The following C1orf162 variants were observed in gnomAD, a reference collection of about 807,000 sequenced individuals.
The protein encoded by C1orf162 is chromosome 1 open reading frame 162.
A neutral mutation model predicts 11.4 loss-of-function variants in C1orf162; 10 were observed. That is an observed-to-expected ratio of 0.88 (90% CI 0.54 to 1.48). C1orf162 has a LOEUF of 1.48. Ranked by LOEUF, C1orf162 falls within the 40% of genes most tolerant of loss-of-function variation. The probability of loss-of-function intolerance (pLI) is 0.00; values close to 1 mark genes in which losing one functional copy is unlikely to be tolerated. For missense variants in C1orf162, 140 were observed against 149.5 expected, an observed-to-expected ratio of 0.94 and a Z score of 0.33; for synonymous variants, 53 against 55.0, an observed-to-expected ratio of 0.96 and a Z score of 0.16.
At chr1:111,477,456 C>T in intron 4 of C1orf162, 28 bp downstream of exon 4, 1 of 1,576,284 alleles carries the variant, frequency 6.3e-7, no homozygotes, top group Non-Finnish European at 8.7e-7. Flanking sequence ...GATAGGACAG[C>T]CCTTCTCTCT....
intron 3 of C1orf162, 84 bp downstream of exon 3, chr1:111,476,951 G>A: frequency 7.0e-7 from 1 of 1,431,644 alleles, no homozygotes; most frequent in Non-Finnish European, 9.9e-7. Flanking sequence ...GGGGATTTGG[G>A]CAGGGAGACT....
chr1:111,477,593 C>T, intron 4 of C1orf162, 133 bp from the exon 5 acceptor site: 2 of 1,435,876 alleles, frequency 1.4e-6, no homozygotes, highest in Non-Finnish European at 1.9e-6. Flanking sequence ...CATTTTTCTT[C>T]CGCCCTGCCC....
At chr1:111,477,180 T>C (rs1359121172) in intron 3 of C1orf162, 154 bp from the exon 4 acceptor site, 3 of 726,696 alleles carry the variant, frequency 4.1e-6, no homozygotes, top group Non-Finnish European at 6.9e-6. Flanking sequence ...GATGTGAAAC[T>C]CAAAAGCAAA....
At chr1:111,474,452 A>T (rs1653928497) in intron 1 of C1orf162, 1 of 152,190 alleles carries the variant, frequency 6.6e-6, no homozygotes, top group South Asian at 2.1e-4. Flanking sequence ...GCTACTGTGA[A>T]TTTCAGGATT....
intron 1 of C1orf162, among the ~76,000 whole-genome samples, chr1:111,474,334 T>C (rs113800989): frequency 2.1e-3 from 324 of 152,358 alleles, no homozygotes; most frequent in Non-Finnish European, 3.1e-3. Context: ...TGAGTAGCTA[T>C]TTCCCTGTGG....
At chr1:111,477,565 T>C (rs1225960309) in intron 4 of C1orf162, 137 bp downstream of exon 4, 3 of 1,507,240 alleles carry the variant, frequency 2.0e-6, no homozygotes, top group Non-Finnish European at 2.8e-6. Context: ...GTCTGCAGAC[T>C]GAAGATTCAA....
chr1:111,476,257 C>T lies in C1orf162; in HGVS notation c.37+192C>T, dbSNP rs1653986635. Among the ~76,000 whole-genome samples, 4 of 152,102 alleles carry T rather than the reference C, an allele frequency of 2.6e-5. No individual in the cohort carries two copies. The South Asian group carries it at 8.3e-4, about 32-fold the overall frequency. ...AACCACAGAGACCTGCCTGGCCCTCCAAATCTGAGTAAAGGGTGTCTCTGC... is the reference window on the plus strand; with the variant it reads ...AACCACAGAGACCTGCCTGGCCCTCTAAATCTGAGTAAAGGGTGTCTCTGC... On this transcript the variant is annotated intron_variant, in intron 2 of 5. Transcript: ENST00000369718.
chr1:111,475,307 G>T (rs1037502036), intron 1 of C1orf162: 2 of 152,200 alleles, frequency 1.3e-5, no homozygotes, highest in Non-Finnish European at 2.9e-5. Context: ...ATGGAAGTCT[G>T]ACTAAAAGGA....
intron 4 of C1orf162, 23 bp downstream of exon 4, chr1:111,477,451 G>T (rs755252847): frequency 8.2e-6 from 13 of 1,576,386 alleles, no homozygotes; most frequent in Non-Finnish European, 1.1e-5. Flanking sequence ...CAAGGGATAG[G>T]ACAGCCCTTC....
intron 2 of C1orf162, 84 bp from the exon 3 acceptor site, chr1:111,476,714 G>A (rs945896284): frequency 7.2e-7 from 1 of 1,386,492 alleles, no homozygotes; most frequent in Non-Finnish European, 1.0e-6. Flanking sequence ...TGCTTGGGTA[G>A]AATGGGGCAC....
intron 3 of C1orf162, 30 bp downstream of exon 3, chr1:111,476,897 C>T (rs753788162): frequency 6.2e-7 from 1 of 1,604,924 alleles, no homozygotes; most frequent in Admixed American, 1.7e-5. Context: ...TCTGTTTCAT[C>T]TTGTACCACG....
In C1orf162 at chr1:111,475,046, G is replaced by A. The variant is rs116356275; in HGVS notation, c.-11-972G>A. ...AAAAAAAATCAGGGATGCATACAAT[G>A]TTTTATGCACAAAAATATCTCTTTC... On this transcript the variant is annotated intron_variant, in intron 1 of 5. Coordinates refer to ENST00000369718, the MANE Select transcript of C1orf162 (RefSeq NM_001300834.2). 1,401 of 152,044 alleles carry A rather than the reference G, an allele frequency of 9.2e-3. 19 individuals carry two copies. Among genetic ancestry groups the A allele is most frequent in the African/African-American group, 0.032 (1,344 of 41,462 alleles). 9.4% of individuals were successfully genotyped at this position (152,044 alleles called of 1,614,324 possible).
At position 111,478,043 on chromosome 1, in the gene C1orf162, G is replaced by A. The variant is rs200386345; in HGVS notation, c.313G>A (p.Glu105Lys). ...CAGCACAACTTTCAAACTCTCAGAA[G>A]AAAAGAGCAATCACTTGGCTGAGAA... The part of the protein sequence containing the change: ...YASTTFKLSE[E>K]KSNHLAENHS... Residue 105 changes from glutamate (E) to lysine (K), a missense_variant, in exon 6 of 6, where the codon GAA becomes AAA. Physicochemically the swap from Glu to Lys is moderately conservative, Grantham distance 56. Coordinates refer to ENST00000369718, the MANE Select transcript of C1orf162 (RefSeq NM_001300834.2). 25 of 1,613,940 alleles carry A rather than the reference G, an allele frequency of 1.5e-5. No individual in the cohort carries two copies. The highest frequency in any genetic ancestry group is 1.2e-4 in the Admixed American group (7 of 60,004).
In C1orf162 at chr1:111,476,070, G is replaced by A. The variant is rs1456689185; in HGVS notation, c.37+5G>A. 1 of 1,611,952 alleles carries A rather than the reference G, an allele frequency of 6.2e-7. No homozygotes were observed. On this transcript the variant is annotated splice_donor_5th_base_variant and intron_variant, in intron 2 of 5. Coordinates refer to ENST00000369718, the MANE Select transcript of C1orf162 (RefSeq NM_001300834.2). ...CCACATGTAAACCCGACACTGGTGA[G>A]TTTACGACAGGAATAATTACCTGCC...
In C1orf162 at chr1:111,477,774, AG is replaced by A. The variant is rs866303547; in HGVS notation, c.252+1del. On this transcript the variant is annotated frameshift_variant and splice_region_variant, in exon 5 of 6. Transcript: ENST00000369718. LOFTEE classifies it low-confidence loss of function (END_TRUNC). ...GATCCTCACTCAGATCCTCCAGCCAAGGTAAGATGACCACACTGTTTTGGGG... is the reference window on the plus strand; with the variant it reads ...GATCCTCACTCAGATCCTCCAGCCAAGTAAGATGACCACACTGTTTTGGGG... ...APDPHSDPPA[K>X]LSSIPGESLT... 6.2e-6 allele frequency: 10 copies of A among 1,614,006 alleles called. No homozygotes were observed. Among genetic ancestry groups the A allele is most frequent in the Non-Finnish European group, 8.5e-6 (10 of 1,180,008 alleles).
intron 1 of C1orf162, chr1:111,475,791 G>T (rs1019931964): frequency 2.7e-5 from 13 of 486,356 alleles, no homozygotes; most frequent in South Asian, 1.1e-4. Flanking sequence ...GCCCTGATAA[G>T]ATCAAATTTC....
At position 111,476,837 on chromosome 1, in the gene C1orf162, G is replaced by C; in HGVS notation, c.77G>C (p.Ser26Thr). ...GTLSTAAPTT[S>T]PAPCLSNHHN... ...CTCTCCACAGCAGCCCCAACAACTAGCCCTGCACCCTGTCTCTCTAACCAC... is the reference window on the plus strand; with the variant it reads ...CTCTCCACAGCAGCCCCAACAACTACCCCTGCACCCTGTCTCTCTAACCAC... The change falls in exon 3 of 6, where the codon AGC becomes ACC. Residue 26 changes from serine (S) to threonine (T), a missense_variant. Physicochemically the swap from Ser to Thr is moderately conservative, Grantham distance 58 (BLOSUM62 1). Coordinates refer to ENST00000369718, the MANE Select transcript of C1orf162 (RefSeq NM_001300834.2). 1 of 1,614,054 alleles carries C rather than the reference G, an allele frequency of 6.2e-7. No homozygotes were observed.
At chr1:111,476,550 A>AT (rs34481842) in intron 2 of C1orf162, among the ~76,000 whole-genome samples, 1,501 of 148,978 alleles carry the variant, frequency 0.01, 23 homozygotes, top group African/African-American at 0.034. Flanking sequence ...AACATATGAG[A>AT]TTTTTTTTTT....
chr1:111,477,802 C>T (rs1282561621), intron 5 of C1orf162, 27 bp downstream of exon 5: 2 of 1,613,084 alleles, frequency 1.2e-6, no homozygotes, highest in African/African-American at 2.7e-5. Context: ...GTTTTGGGGA[C>T]ACTGAAGGGC....
Sources: allele counts gnomAD v4.1 joint callset (sites outside exome capture counted in the v4.1 genomes callset), GRCh38; gene constraint gnomAD v4.1.1; transcripts MANE v1.5; gene names NCBI Gene and HGNC (gene_info 2026-07-23, HGNC 2026-07-21).